The following DPPA2 variants were observed in gnomAD, a reference collection of about 807,000 sequenced individuals.
DPPA2 encodes the protein developmental pluripotency-associated protein 2.
In DPPA2, 26 loss-of-function variants were observed where a neutral mutation model predicts 36.2. That is an observed-to-expected ratio of 0.72 (90% CI 0.53 to 1.00). DPPA2 has a LOEUF of 1.00. DPPA2 is among the 50% of genes least tolerant of loss of function. DPPA2 has a pLI of 0.00. For missense variants in DPPA2, 361 were observed against 365.1 expected (o/e 0.99, Z 0.09); for synonymous variants, 113 against 123.2 (o/e 0.92, Z 0.55).
At position 109,300,821 on chromosome 3, in the gene DPPA2, C is replaced by CA. The variant is rs767043097; in HGVS notation, c.855-387dup. Among the ~76,000 whole-genome samples the CA allele has an allele frequency of 7.1e-3, 481 of 68,034 alleles. 4 individuals are homozygous for CA. Among genetic ancestry groups the CA allele is most frequent in the African/African-American group, 0.022 (451 of 20,898 alleles). The allele number at this position is 68,034 out of a possible 152,430, so 44.6% of individuals were successfully genotyped here. The stretch of plus-strand genomic sequence containing the variant: ...TAGGTGACAGAGCGAGACTCAGTCT[C>CA]AAAAAAAAAAAAAAAAAAAAAGAAT... On this transcript the variant is annotated intron_variant, in intron 7 of 8. Transcript: ENST00000478945.
At position 109,308,440 on chromosome 3, in the gene DPPA2, G is replaced by A. The variant is rs945123108; in HGVS notation, c.397-147C>T. The A allele has an allele frequency of 5.8e-5, 62 of 1,074,070 alleles. No individual in the cohort carries two copies. In the Admixed American group the frequency reaches 6.7e-4, roughly 12 times the overall value. The allele number at this position is 1,074,070 out of a possible 1,614,324, so 66.5% of individuals were successfully genotyped here. On this transcript the variant is annotated intron_variant, in intron 5 of 8. Transcript: ENST00000478945. ...TGCAATGGCACGATCTCGGCTCACC[G>A]CAACCTCCGCCTCCCAGGTTCAAGC...
intron 8 of DPPA2, among the ~76,000 whole-genome samples, chr3:109,296,787 A>G (rs940670261): frequency 6.6e-5 from 10 of 152,218 alleles, no homozygotes; most frequent in Admixed American, 5.2e-4. Flanking sequence ...TTAAAACTCA[A>G]TAATAAAACA....
rs745764972 is a variant in DPPA2 at position 109,308,068 on chromosome 3, G to T, written c.622C>A (p.Pro208Thr). The T allele has an allele frequency of 6.2e-7, 1 of 1,614,212 alleles. No individual in the cohort carries two copies. Among genetic ancestry groups the T allele is most frequent in the East Asian group, 2.2e-5 (1 of 44,890 alleles). Residue 208 changes from proline to threonine, a missense_variant, in exon 6 of 9, where the codon CCT (proline) becomes ACT (threonine). Coordinates refer to ENST00000478945, the MANE Select transcript of DPPA2 (RefSeq NM_138815.4). ...ATCAAAAAGGCCTCAACAGAAACAG[G>T]AATGGAACATGAATTCAAAGCCTTA... ...QPKALNSCSI[P>T]VSVEAFLMQA...
At chr3:109,315,978 A>C (rs940043425) in intron 1 of DPPA2, among the ~76,000 whole-genome samples, 2 of 152,190 alleles carry the variant, frequency 1.3e-5, no homozygotes, top group African/African-American at 4.8e-5. Context: ...GCCCCACCCC[A>C]CCACCCAAGA....
At chr3:109,308,702 A>G (rs1057117902) in intron 5 of DPPA2, among the ~76,000 whole-genome samples, 3 of 152,176 alleles carry the variant, frequency 2.0e-5, no homozygotes, top group Non-Finnish European at 4.4e-5. Flanking sequence ...ATGTATGTCA[A>G]TGTGGGAAGG....
chr3:109,295,830 G>A (rs1707343401), intron 8 of DPPA2, among the ~76,000 whole-genome samples: 1 of 151,954 alleles, frequency 6.6e-6, no homozygotes, highest in Non-Finnish European at 1.5e-5. Context: ...CAAAACAGAT[G>A]AGTAATGCAA....
At chr3:109,310,182 C>T (rs1291918073) in intron 3 of DPPA2, among the ~76,000 whole-genome samples, 6 of 148,184 alleles carry the variant, frequency 4.0e-5, no homozygotes, top group Admixed American at 1.4e-4. Flanking sequence ...GAGCCAAGAT[C>T]GCGCCATTGC....
At chr3:109,298,489 T>A (rs1576815064) in intron 8 of DPPA2, among the ~76,000 whole-genome samples, 1 of 141,988 alleles carries the variant, frequency 7.0e-6, no homozygotes, top group African/African-American at 2.7e-5. Flanking sequence ...CCAAGGCGGG[T>A]GAATCACGAG....
At chr3:109,299,367 G>A (rs9859931) in intron 8 of DPPA2, among the ~76,000 whole-genome samples, 2,026 of 152,140 alleles carry the variant, frequency 0.013, 39 homozygotes, top group African/African-American at 0.046. Context: ...AAAATTAGCC[G>A]GGTGTGGTGG....
intron 5 of DPPA2, among the ~76,000 whole-genome samples, chr3:109,308,499 A>C (rs1707622080): frequency 6.6e-6 from 1 of 152,052 alleles, no homozygotes; most frequent in South Asian, 2.1e-4. Context: ...AGTAGCTGGG[A>C]TTATAGGCAT....
intron 8 of DPPA2, among the ~76,000 whole-genome samples, chr3:109,296,939 A>C (rs964108248): frequency 2.0e-5 from 3 of 151,838 alleles, no homozygotes; most frequent in Non-Finnish European, 4.4e-5. Flanking sequence ...AAAATAGAAA[A>C]ATTAGCCAGG....
At chr3:109,315,798 G>A (rs1177467285) in intron 1 of DPPA2, among the ~76,000 whole-genome samples, 1 of 152,080 alleles carries the variant, frequency 6.6e-6, no homozygotes, top group African/African-American at 2.4e-5. Context: ...GGAGGCCGAG[G>A]AAGGACGACC....
Position 109,308,427 on chromosome 3 carries a change from A to T in DPPA2, c.397-134T>A, listed in dbSNP as rs976522263. 2.9e-5 allele frequency: 35 copies of T among 1,227,210 alleles called. No individual in the cohort carries two copies. The Admixed American group carries it at 5.7e-4, about 20-fold the overall frequency. 76.0% of individuals were successfully genotyped at this position (1,227,210 alleles called of 1,614,324 possible). A position where few individuals can be genotyped will look rare whatever the true frequency, so the allele number is the denominator to read the frequency against. On this transcript the variant is annotated intron_variant, in intron 5 of 8. Coordinates refer to ENST00000478945, the MANE Select transcript of DPPA2 (RefSeq NM_138815.4). Reference sequence around the variant, plus strand: ...GCCCAGGCTGGAGTGCAATGGCACGATCTCGGCTCACCGCAACCTCCGCCT... The same window carrying T: ...GCCCAGGCTGGAGTGCAATGGCACGTTCTCGGCTCACCGCAACCTCCGCCT...
At chr3:109,298,584 C>T (rs1006945436) in intron 8 of DPPA2, among the ~76,000 whole-genome samples, 3 of 151,650 alleles carry the variant, frequency 2.0e-5, no homozygotes, top group African/African-American at 4.8e-5. Flanking sequence ...GGCATAGTGG[C>T]GGGTGCCTGT....
At chr3:109,297,562 A>T (rs1353738564) in intron 8 of DPPA2, among the ~76,000 whole-genome samples, 1 of 151,924 alleles carries the variant, frequency 6.6e-6, no homozygotes, top group African/African-American at 2.4e-5. Flanking sequence ...ATACTGTGGC[A>T]CGCCTATTAG....
At chr3:109,312,132 G>A (rs564889502) in intron 3 of DPPA2, among the ~76,000 whole-genome samples, 48 of 152,172 alleles carry the variant, frequency 3.2e-4, no homozygotes, top group African/African-American at 1.0e-3. Context: ...TCAGGAGTTC[G>A]AGACCAGCCT....
At chr3:109,315,154 G>A (rs1275536909) in intron 1 of DPPA2, among the ~76,000 whole-genome samples, 2 of 152,194 alleles carry the variant, frequency 1.3e-5, no homozygotes, top group Admixed American at 1.3e-4. Flanking sequence ...CCAATGGAAT[G>A]AACAGAATGT....
chr3:109,295,566 T>C (rs1187531385), intron 8 of DPPA2: 1 of 150,334 alleles, frequency 6.7e-6, no homozygotes, highest in Non-Finnish European at 1.5e-5. Context: ...TTTTATACAA[T>C]ACAAGTCTGA....
rs1707784882 is a variant in DPPA2 at position 109,316,387 on chromosome 3, T to C, written c.-117A>G. On this transcript the variant is annotated 5_prime_UTR_variant, in exon 1 of 9. Transcript: ENST00000478945. ...TCCTGGCTGAGTTCCCAGACTCAAG[T>C]TGATCCTCCCTCCGCAGCCTTCGGA... The C allele has an allele frequency of 6.5e-6, 1 of 153,248 alleles. No homozygotes were observed. Among genetic ancestry groups the C allele is most frequent in the Non-Finnish European group, 1.5e-5 (1 of 68,940 alleles). The allele number at this position is 153,248 out of a possible 1,614,324, so 9.5% of individuals were successfully genotyped here. A position where few individuals can be genotyped will look rare whatever the true frequency, so the allele number is the denominator to read the frequency against.
Sources: gnomAD v4.1 joint callset for allele counts (sites outside exome capture counted in the v4.1 genomes callset) on GRCh38, gnomAD v4.1.1 for gene constraint, MANE v1.5 for transcripts, NCBI Gene and HGNC (gene_info 2026-07-23, HGNC 2026-07-21) for gene names.